The following THSD7B variants were observed in gnomAD, a reference collection of about 807,000 sequenced individuals.
The protein encoded by THSD7B is thrombospondin type 1 domain containing 7B.
A neutral mutation model predicts 213.6 loss-of-function variants in THSD7B; 138 were observed. The observed-to-expected ratio is 0.65, with a 90% CI of 0.56 to 0.74. The LOEUF (loss-of-function observed/expected upper bound fraction) is 0.74, where lower values mean the gene tolerates loss of function less well. THSD7B is among the 30% of genes least tolerant of loss of function. The probability of loss-of-function intolerance (pLI) is 0.00; values close to 1 mark genes in which losing one functional copy is unlikely to be tolerated. For synonymous variants in THSD7B, 742 were observed against 687.0 expected, an observed-to-expected ratio of 1.08 and a Z score of -1.25; for missense variants, 1,931 against 1,991.5, an observed-to-expected ratio of 0.97 and a Z score of 0.58.
intron 2 of THSD7B, among the ~76,000 whole-genome samples, chr2:136,960,419 A>T (rs1197988437): frequency 6.6e-6 from 1 of 152,100 alleles, no homozygotes; most frequent in Non-Finnish European, 1.5e-5. Context: ...GATTACAGGT[A>T]TGAGCCACTG....
intron 4 of THSD7B, among the ~76,000 whole-genome samples, chr2:137,112,492 T>A (rs1265131096): frequency 6.6e-6 from 1 of 152,210 alleles, no homozygotes; most frequent in African/African-American, 2.4e-5. Flanking sequence ...ACAGATATAG[T>A]CATTAAACTC....
At chr2:136,841,475 C>T (rs1363806957) in intron 1 of THSD7B, among the ~76,000 whole-genome samples, 1 of 150,574 alleles carries the variant, frequency 6.6e-6, no homozygotes, top group Non-Finnish European at 1.5e-5. Flanking sequence ...TGTGCACCTA[C>T]AGTCCCAGCT....
chr2:136,997,257 C>A (rs1310351647), intron 2 of THSD7B, among the ~76,000 whole-genome samples: 4 of 152,232 alleles, frequency 2.6e-5, no homozygotes, highest in Non-Finnish European at 5.9e-5. Flanking sequence ...TTTTTCTTCC[C>A]TTTCATCTTT....
chr2:136,789,996 T>A (rs1681933189), intron 1 of THSD7B, among the ~76,000 whole-genome samples: 1 of 151,992 alleles, frequency 6.6e-6, no homozygotes, highest in Non-Finnish European at 1.5e-5. Flanking sequence ...CCATTAGGGA[T>A]CTTTAATGGC....
At chr2:137,111,779 G>A (rs777633302) in intron 4 of THSD7B, among the ~76,000 whole-genome samples, 14 of 152,176 alleles carry the variant, frequency 9.2e-5, no homozygotes, top group Non-Finnish European at 1.8e-4. Context: ...ACGTTGGTAA[G>A]GGGCTATGGA....
intron 3 of THSD7B, among the ~76,000 whole-genome samples, chr2:137,087,198 C>T (rs975413818): frequency 6.6e-6 from 1 of 151,872 alleles, no homozygotes; most frequent in African/African-American, 2.4e-5. Flanking sequence ...AAATATATGG[C>T]AATAGTATGT....
At chr2:137,295,342 AT>A (rs1411258624) in intron 12 of THSD7B, among the ~76,000 whole-genome samples, 2 of 151,940 alleles carry the variant, frequency 1.3e-5, no homozygotes, top group Middle Eastern at 3.4e-3. Flanking sequence ...ACAAATGCAT[AT>A]TTTTTTCTTT....
intron 4 of THSD7B, among the ~76,000 whole-genome samples, chr2:137,111,122 C>T (rs1461777719): frequency 6.6e-6 from 1 of 152,146 alleles, no homozygotes; most frequent in Non-Finnish European, 1.5e-5. Flanking sequence ...AAATGCATCC[C>T]TAGGTGACCA....
At chr2:137,465,238 A>C (rs1355598208) in intron 15 of THSD7B, among the ~76,000 whole-genome samples, 1 of 151,792 alleles carries the variant, frequency 6.6e-6, no homozygotes, top group Non-Finnish European at 1.5e-5. Context: ...CTTCAATGGC[A>C]TTCCCCATTC....
At chr2:137,650,653 T>G (rs1344895745) in intron 21 of THSD7B, among the ~76,000 whole-genome samples, 1 of 152,244 alleles carries the variant, frequency 6.6e-6, no homozygotes, top group East Asian at 1.9e-4. Context: ...CATCCTTGTC[T>G]TGTTCCAGAT....
chr2:136,959,001 G>C (rs1323164785), intron 2 of THSD7B, among the ~76,000 whole-genome samples: 1 of 152,140 alleles, frequency 6.6e-6, no homozygotes, highest in Admixed American at 6.5e-5. Context: ...GGTGGGGCTA[G>C]GGAGGGAGAG....
At chr2:137,583,611 T>C (rs530676816) in intron 17 of THSD7B, among the ~76,000 whole-genome samples, 8 of 152,150 alleles carry the variant, frequency 5.3e-5, no homozygotes, top group Non-Finnish European at 1.0e-4. Context: ...TTCCCCATTA[T>C]TTGTTTTTCT....
intron 15 of THSD7B, among the ~76,000 whole-genome samples, chr2:137,523,459 G>A (rs2105169750): frequency 6.6e-6 from 1 of 152,286 alleles, no homozygotes; most frequent in South Asian, 2.1e-4. Context: ...ATACAGAAAA[G>A]GAAGGGAACT....
chr2:136,999,200 G>T (rs986433972), intron 2 of THSD7B, among the ~76,000 whole-genome samples: 13 of 152,062 alleles, frequency 8.5e-5, no homozygotes, highest in African/African-American at 2.2e-4. Context: ...CATGGTTTTT[G>T]ATCTTACCCT....
chr2:136,892,115 A>C (rs1469622684), intron 2 of THSD7B, among the ~76,000 whole-genome samples: 1 of 152,136 alleles, frequency 6.6e-6, no homozygotes. Flanking sequence ...GAAGGCTCTC[A>C]GAGTAAGCTT....
chr2:137,021,927 G>A (rs6747913), intron 2 of THSD7B, among the ~76,000 whole-genome samples: 5,305 of 152,200 alleles, frequency 0.035, 262 homozygotes, highest in East Asian at 0.19. Flanking sequence ...GATCAGCAGG[G>A]CTCAGGATGG....
intron 5 of THSD7B, among the ~76,000 whole-genome samples, chr2:137,142,492 C>A (rs148875574): frequency 6.6e-6 from 1 of 152,034 alleles, no homozygotes; most frequent in Non-Finnish European, 1.5e-5. Context: ...GCATTCAAAC[C>A]GTAGCAAGAA....
intron 2 of THSD7B, among the ~76,000 whole-genome samples, chr2:136,926,388 TA>T (rs146474659): frequency 6.0e-5 from 9 of 148,878 alleles, no homozygotes; most frequent in African/African-American, 9.8e-5. Context: ...CCCCTAAACT[TA>T]AAAAAAAAAG....
intron 1 of THSD7B, among the ~76,000 whole-genome samples, chr2:136,850,493 A>G (rs1172867949): frequency 2.6e-5 from 4 of 152,066 alleles, no homozygotes; most frequent in Non-Finnish European, 5.9e-5. Context: ...AATTTTTAAA[A>G]AGGGTTGTTC....
Sources: gnomAD v4.1 joint callset for allele counts (sites outside exome capture counted in the v4.1 genomes callset) on GRCh38, gnomAD v4.1.1 for gene constraint, MANE v1.5 for transcripts, NCBI Gene and HGNC (gene_info 2026-07-23, HGNC 2026-07-21) for gene names.